Variants in PREX2 observed in about 807,000 individuals in gnomAD.
PREX2 encodes phosphatidylinositol 3,4,5-trisphosphate-dependent Rac exchanger 2 protein.
A neutral mutation model predicts 203.2 loss-of-function variants in PREX2; 107 were observed. The observed-to-expected ratio is 0.53, with a 90% CI of 0.45 to 0.62. The LOEUF (loss-of-function observed/expected upper bound fraction) is 0.62. PREX2 is among the 20% of genes least tolerant of loss of function. The pLI, the probability that PREX2 is intolerant of heterozygous loss-of-function variation, is 0.00. For synonymous variants in PREX2, 672 were observed against 663.6 expected (o/e 1.01, Z -0.19); for missense variants, 1,777 against 1,955.9 (o/e 0.91, Z 1.72).
chr8:68,137,307 G>A (rs1000253261), intron 32 of PREX2, among the ~76,000 whole-genome samples: 9 of 150,270 alleles, frequency 6.0e-5, no homozygotes, highest in South Asian at 2.1e-4. Flanking sequence ...TTGCTCTGTC[G>A]CCCAGGCTGG....
At chr8:68,133,876 G>A (rs1484903131) in intron 31 of PREX2, among the ~76,000 whole-genome samples, 183 bp from the exon 32 acceptor site, 5 of 152,182 alleles carry the variant, frequency 3.3e-5, no homozygotes, top group Non-Finnish European at 7.3e-5. Context: ...TTGGTGTTTA[G>A]TGTTTTCTGT....
intron 15 of PREX2, 47 bp from the exon 16 acceptor site, chr8:68,080,396 C>T (rs1391810066): frequency 1.9e-5 from 30 of 1,575,038 alleles, no homozygotes; most frequent in Middle Eastern, 1.7e-4. Flanking sequence ...AAAATGAGTG[C>T]GATTTTTGAA....
At chr8:68,084,812 G>A in intron 18 of PREX2, among the ~76,000 whole-genome samples, 1 of 152,108 alleles carries the variant, frequency 6.6e-6, no homozygotes. Context: ...AAGACAGACT[G>A]GAAAGGAATA....
Position 68,052,385 on chromosome 8 carries a change from T to C in PREX2, c.944-712T>C, listed in dbSNP as rs1808548647. On this transcript the variant is annotated intron_variant, in intron 8 of 39. Coordinates refer to ENST00000288368, the MANE Select transcript of PREX2 (RefSeq NM_024870.4). ...ACAGCTACTGTATAGGGTTTGCTGT[T>C]GACATTTTCAAACCCAGCATGACAG... is the stretch of plus-strand genomic sequence containing the variant. Among the ~76,000 whole-genome samples the C allele has an allele frequency of 2.0e-5, 3 of 152,210 alleles. No individual in the cohort carries two copies. The South Asian group carries it at 6.2e-4, about 31-fold the overall frequency.
At chr8:67,992,072 A>T (rs79019107) in intron 1 of PREX2, among the ~76,000 whole-genome samples, 4,919 of 152,272 alleles carry the variant, frequency 0.032, 116 homozygotes, top group Non-Finnish European at 0.053. Flanking sequence ...GAGCGTGTAG[A>T]TTCCCTCAGT....
At chr8:68,081,937 T>G (rs1455587080) in intron 17 of PREX2, among the ~76,000 whole-genome samples, 1 of 151,948 alleles carries the variant, frequency 6.6e-6, no homozygotes, top group Non-Finnish European at 1.5e-5. Flanking sequence ...CCTTAAGTGA[T>G]CTGCCCACCT....
At chr8:67,971,469 A>G (rs1237649152) in intron 1 of PREX2, among the ~76,000 whole-genome samples, 1 of 152,186 alleles carries the variant, frequency 6.6e-6, no homozygotes, top group African/African-American at 2.4e-5. Flanking sequence ...AGTAGGGTTC[A>G]GAAATACAAG....
intron 38 of PREX2, among the ~76,000 whole-genome samples, chr8:68,220,968 C>G (rs1042583296): frequency 6.6e-6 from 1 of 152,110 alleles, no homozygotes; most frequent in Admixed American, 6.5e-5. Flanking sequence ...ATCACCCAAA[C>G]AGTAAACATA....
intron 33 of PREX2, among the ~76,000 whole-genome samples, chr8:68,144,701 T>G (rs998849793): frequency 2.0e-5 from 3 of 152,160 alleles, no homozygotes; most frequent in African/African-American, 7.2e-5. Context: ...CTGGGTGTGG[T>G]GGCTTATGCC....
At chr8:68,146,674 G>A (rs943889541) in intron 34 of PREX2, among the ~76,000 whole-genome samples, 11 of 152,194 alleles carry the variant, frequency 7.2e-5, no homozygotes, top group Admixed American at 5.9e-4. Context: ...AATATTTTAT[G>A]AGATAGAAAA....
At chr8:67,973,201 C>T (rs572650382) in intron 1 of PREX2, among the ~76,000 whole-genome samples, 2 of 152,238 alleles carry the variant, frequency 1.3e-5, no homozygotes, top group South Asian at 4.2e-4. Context: ...GACTGATATC[C>T]GTCCAACAAA....
chr8:68,039,720 A>G (rs1808137673), intron 7 of PREX2, among the ~76,000 whole-genome samples: 2 of 152,242 alleles, frequency 1.3e-5, no homozygotes, highest in African/African-American at 4.8e-5. Context: ...ATTACGAGTT[A>G]GCCTTGGTTC....
At chr8:68,213,455 T>G (rs994720374) in intron 37 of PREX2, among the ~76,000 whole-genome samples, 2 of 152,160 alleles carry the variant, frequency 1.3e-5, no homozygotes, top group Non-Finnish European at 2.9e-5. Context: ...CAGCAACTTG[T>G]GGTATTTGTA....
intron 15 of PREX2, among the ~76,000 whole-genome samples, chr8:68,079,324 G>A (rs1291156300): frequency 2.0e-5 from 3 of 152,122 alleles, no homozygotes; most frequent in Non-Finnish European, 4.4e-5. Flanking sequence ...ACAATTATTT[G>A]TTGGAGCTCT....
At chr8:68,023,210 A>G (rs1807620677) in intron 4 of PREX2, among the ~76,000 whole-genome samples, 1 of 152,132 alleles carries the variant, frequency 6.6e-6, no homozygotes, top group African/African-American at 2.4e-5. Context: ...AAACTGCCAA[A>G]CTATTTGTCA....
intron 19 of PREX2, among the ~76,000 whole-genome samples, chr8:68,089,462 A>G (rs4425737): frequency 0.46 from 70,484 of 151,984 alleles, 16,840 homozygotes; most frequent in African/African-American, 0.56. Flanking sequence ...AAGACTTCAC[A>G]GTTGGCTCTA....
chr8:68,072,545 A>G lies in PREX2; in HGVS notation c.1544A>G (p.Lys515Arg). 1 of 1,593,642 alleles carries G rather than the reference A, an allele frequency of 6.3e-7. No homozygotes were observed. The highest frequency in any genetic ancestry group is 8.6e-7 in the Non-Finnish European group (1 of 1,161,952). Residue 515 changes from lysine to arginine, a missense_variant, in exon 14 of 40, where the codon AAA (lysine) becomes AGA (arginine). Transcript: ENST00000288368. The part of the protein sequence containing the change: ...RTYKSVVMAN[K>R]LIDWLIAQGD... ...TACAAATCTGTGGTCATGGCCAACA[A>G]ACTGATAGACTGGTTAATTGCACAG...
intron 23 of PREX2, among the ~76,000 whole-genome samples, chr8:68,107,694 T>C (rs1810445953): frequency 6.6e-6 from 1 of 152,166 alleles, no homozygotes; most frequent in South Asian, 2.1e-4. Flanking sequence ...CCTCCACCCT[T>C]GACCTGGCAG....
intron 1 of PREX2, among the ~76,000 whole-genome samples, chr8:67,985,926 C>G (rs536647893): frequency 6.6e-6 from 1 of 152,214 alleles, no homozygotes; most frequent in African/African-American, 2.4e-5. Flanking sequence ...TGGTTTCTAG[C>G]AGGGAACACA....
Sources: allele counts gnomAD v4.1 joint callset (sites outside exome capture counted in the v4.1 genomes callset), GRCh38; gene constraint gnomAD v4.1.1; transcripts MANE v1.5; gene names NCBI Gene and HGNC (gene_info 2026-07-23, HGNC 2026-07-21).